Variants in SLC6A15 observed in about 807,000 individuals in gnomAD.
SLC6A15 encodes solute carrier family 6 member 15.
A neutral mutation model predicts 68.5 loss-of-function variants in SLC6A15; 33 were observed. That is an observed-to-expected ratio of 0.48 (90% CI 0.37 to 0.64). SLC6A15 has a LOEUF of 0.64. SLC6A15 is among the 30% of genes least tolerant of loss of function. SLC6A15 has a pLI of 0.00. For synonymous variants in SLC6A15, 347 were observed against 301.0 expected (o/e 1.15, Z -1.58); for missense variants, 747 against 874.3 (o/e 0.85, Z 1.84).
chr12:84,907,335 G>A (rs1873215975), intron 1 of SLC6A15, among the ~76,000 whole-genome samples: 1 of 151,312 alleles, frequency 6.6e-6, no homozygotes, highest in Non-Finnish European at 1.5e-5. Flanking sequence ...GCCACAGAGG[G>A]AGACTCCGTC....
chr12:84,866,157 G>A (rs1055301042), intron 10 of SLC6A15, among the ~76,000 whole-genome samples: 4 of 152,090 alleles, frequency 2.6e-5, no homozygotes, highest in African/African-American at 7.2e-5. Flanking sequence ...TTCACTTAAG[G>A]TGCATGCATT....
At chr12:84,895,518 T>A (rs1872603722) in intron 1 of SLC6A15, among the ~76,000 whole-genome samples, 1 of 151,714 alleles carries the variant, frequency 6.6e-6, no homozygotes, top group Non-Finnish European at 1.5e-5. Flanking sequence ...CCGGCTAATT[T>A]TTGTATTTTT....
At chr12:84,892,596 TTTTTC>T (rs1380994729) in intron 1 of SLC6A15, among the ~76,000 whole-genome samples, 8 of 152,192 alleles carry the variant, frequency 5.3e-5, no homozygotes, top group Non-Finnish European at 1.0e-4. Flanking sequence ...TTTAGGACTC[TTTTTC>T]TTAATTCTTT....
intron 1 of SLC6A15, among the ~76,000 whole-genome samples, chr12:84,903,780 C>G (rs544699401): frequency 6.6e-6 from 1 of 152,228 alleles, no homozygotes; most frequent in South Asian, 2.1e-4. Flanking sequence ...ATCATATCTT[C>G]ATCTCAATAC....
intron 1 of SLC6A15, among the ~76,000 whole-genome samples, chr12:84,905,035 A>G (rs1297452643): frequency 6.6e-6 from 1 of 152,216 alleles, no homozygotes; most frequent in Non-Finnish European, 1.5e-5. Context: ...GCAATAGAAG[A>G]TGATAGAATA....
At chr12:84,900,013 C>CA (rs1026004009) in intron 1 of SLC6A15, among the ~76,000 whole-genome samples, 5 of 152,102 alleles carry the variant, frequency 3.3e-5, no homozygotes, top group African/African-American at 1.2e-4. Context: ...ATTTCTACCA[C>CA]AAAAAACCCA....
chr12:84,905,211 T>C (rs74363405), intron 1 of SLC6A15, among the ~76,000 whole-genome samples: 2,024 of 152,276 alleles, frequency 0.013, 47 homozygotes, highest in African/African-American at 0.047. Flanking sequence ...AAAAGAATTA[T>C]ATTCCATGAT....
intron 1 of SLC6A15, among the ~76,000 whole-genome samples, chr12:84,908,802 C>A (rs1240831777): frequency 6.6e-6 from 1 of 151,928 alleles, no homozygotes; most frequent in Non-Finnish European, 1.5e-5. Context: ...AGCCCCCAAT[C>A]TGCTTCTTTT....
At chr12:84,893,460 T>C (rs563071240) in intron 1 of SLC6A15, among the ~76,000 whole-genome samples, 4 of 152,234 alleles carry the variant, frequency 2.6e-5, no homozygotes, top group African/African-American at 9.6e-5. Context: ...CCTATCCTTT[T>C]CCCCACTCAG....
chr12:84,874,887 A>G (rs1331405312), intron 6 of SLC6A15, among the ~76,000 whole-genome samples: 2 of 152,180 alleles, frequency 1.3e-5, no homozygotes, highest in Non-Finnish European at 2.9e-5. Flanking sequence ...AAAAATTACA[A>G]TTACTTCTCA....
chr12:84,905,820 T>A (rs968359785), intron 1 of SLC6A15, among the ~76,000 whole-genome samples: 2 of 152,146 alleles, frequency 1.3e-5, no homozygotes, highest in Non-Finnish European at 2.9e-5. Flanking sequence ...GTCACATAAA[T>A]CAAGAAAGAA....
intron 9 of SLC6A15, among the ~76,000 whole-genome samples, chr12:84,868,753 T>A (rs1871166092): frequency 6.6e-6 from 1 of 152,164 alleles, no homozygotes; most frequent in African/African-American, 2.4e-5. Context: ...CTTTGCTCTT[T>A]CCAAATAAGT....
intron 1 of SLC6A15, among the ~76,000 whole-genome samples, chr12:84,902,228 T>G (rs1198214534): frequency 6.6e-6 from 1 of 151,986 alleles, no homozygotes; most frequent in Non-Finnish European, 1.5e-5. Context: ...GAAGGGAACT[T>G]TTTTTACAAA....
chr12:84,864,030 C>T, intron 10 of SLC6A15, among the ~76,000 whole-genome samples: 1 of 150,450 alleles, frequency 6.6e-6, no homozygotes, highest in Non-Finnish European at 1.5e-5. Flanking sequence ...TAATACTATT[C>T]TATCAAGGAA....
chr12:84,875,503 G>A (rs887190515), intron 6 of SLC6A15, among the ~76,000 whole-genome samples: 1 of 151,460 alleles, frequency 6.6e-6, no homozygotes, highest in East Asian at 2.0e-4. Context: ...AATCCCTTAT[G>A]CCCAAATCTC....
In SLC6A15 at chr12:84,891,822, G is replaced by T; in HGVS notation, c.289+10C>A. On this transcript the variant is annotated intron_variant, in intron 2 of 11. Coordinates refer to ENST00000266682, the MANE Select transcript of SLC6A15 (RefSeq NM_182767.6). ...ACTACAGTAATTTATCACTTAAAAAGATTACTTACCGCCCCCATTCTTCTG... is the reference window on the plus strand; with the variant it reads ...ACTACAGTAATTTATCACTTAAAAATATTACTTACCGCCCCCATTCTTCTG... 6.2e-7 allele frequency: 1 copy of T among 1,604,464 alleles called. No individual in the cohort carries two copies. Among genetic ancestry groups the T allele is most frequent in the Non-Finnish European group, 8.5e-7 (1 of 1,174,392 alleles).
chr12:84,867,484 T>C (rs1871111928), intron 9 of SLC6A15: 2 of 187,444 alleles, frequency 1.1e-5, no homozygotes. Context: ...GAGAAAAATT[T>C]AAAAGTATAA....
At position 84,863,431 on chromosome 12, in the gene SLC6A15, G is replaced by C; in HGVS notation, c.1818+8C>G. 6.5e-7 allele frequency: 1 copy of C among 1,549,444 alleles called. No homozygotes were observed. Among genetic ancestry groups the C allele is most frequent in the Non-Finnish European group, 8.6e-7 (1 of 1,157,144 alleles). ...TTTAAAAATGTAATTCCCTTATTTT[G>C]TATTTACCTTATCTTCAATCCATGC... On this transcript the variant is annotated splice_region_variant and intron_variant, in intron 11 of 11. Coordinates refer to ENST00000266682, the MANE Select transcript of SLC6A15 (RefSeq NM_182767.6).
In SLC6A15 at chr12:84,861,818, T is replaced by C; in HGVS notation, c.2007A>G (p.Leu669=). The change falls in exon 12 of 12, where the codon TTA becomes TTG. Residue 669 remains leucine, a synonymous_variant. Transcript: ENST00000266682. ...RGRVLKEPVN[L]EGDDTSLIHG... is the part of the protein sequence containing the mutation. ...GAATGAGGCTTGTATCATCGCCCTC[T>C]AAGTTCACAGGCTCTTTCAGGACCC... The C allele has an allele frequency of 6.2e-7, 1 of 1,613,986 alleles. No individual in the cohort carries two copies. The highest frequency in any genetic ancestry group is 1.7e-5 in the Admixed American group (1 of 59,992).
Sources: allele counts gnomAD v4.1 joint callset (sites outside exome capture counted in the v4.1 genomes callset), GRCh38; gene constraint gnomAD v4.1.1; transcripts MANE v1.5; gene names NCBI Gene and HGNC (gene_info 2026-07-23, HGNC 2026-07-21).